The following NLGN1 variants were observed in gnomAD, a reference collection of about 807,000 sequenced individuals.
The protein encoded by NLGN1 is neuroligin-1.
Under a neutral mutation model 65.5 loss-of-function variants are expected in NLGN1, and 12 were observed. That is an observed-to-expected ratio of 0.18 (90% CI 0.12 to 0.30). NLGN1 has a LOEUF of 0.30. Among genes scored for constraint, NLGN1 ranks in the 10% least tolerant of loss-of-function variants. The probability of loss-of-function intolerance (pLI) is 1.00; values close to 1 mark genes in which losing one functional copy is unlikely to be tolerated. For missense variants in NLGN1, 750 were observed against 1,007.1 expected, an observed-to-expected ratio of 0.74 and a Z score of 3.46; for synonymous variants, 350 against 359.5, an observed-to-expected ratio of 0.97 and a Z score of 0.30.
At chr3:173,649,061 A>G (rs1358876677) in intron 3 of NLGN1, among the ~76,000 whole-genome samples, 1 of 152,260 alleles carries the variant, frequency 6.6e-6, no homozygotes, top group Non-Finnish European at 1.5e-5. Flanking sequence ...AAAATGGAAT[A>G]CAACTCAGTA....
intron 3 of NLGN1, among the ~76,000 whole-genome samples, chr3:173,663,655 A>T (rs990737506): frequency 1.3e-5 from 2 of 152,010 alleles, no homozygotes; most frequent in Non-Finnish European, 2.9e-5. Context: ...GCTGCAGTTG[A>T]GAGATGACTA....
At chr3:173,959,181 G>C (rs1445749825) in intron 4 of NLGN1, among the ~76,000 whole-genome samples, 2 of 152,204 alleles carry the variant, frequency 1.3e-5, no homozygotes, top group African/African-American at 4.8e-5. Context: ...GGGATGCCCG[G>C]GTCCACAGTC....
chr3:173,457,387 T>A (rs1722679099), intron 2 of NLGN1, among the ~76,000 whole-genome samples: 3 of 152,046 alleles, frequency 2.0e-5, no homozygotes, highest in African/African-American at 7.2e-5. Context: ...TCAAAGAGGC[T>A]AGGTTCACAA....
intron 4 of NLGN1, among the ~76,000 whole-genome samples, chr3:174,212,646 C>T (rs1382576406): frequency 2.0e-5 from 3 of 152,216 alleles, no homozygotes; most frequent in Non-Finnish European, 4.4e-5. Context: ...TATCAACATA[C>T]AGAGATGTTT....
intron 3 of NLGN1, among the ~76,000 whole-genome samples, chr3:173,682,027 T>C (rs114666672): frequency 7.5e-4 from 114 of 152,312 alleles, no homozygotes; most frequent in Non-Finnish European, 1.4e-3. Flanking sequence ...CTGTGAAATG[T>C]GTTAGAACTG....
chr3:173,906,808 C>T (rs1042399721), intron 4 of NLGN1, among the ~76,000 whole-genome samples: 4 of 148,308 alleles, frequency 2.7e-5, no homozygotes, highest in Non-Finnish European at 4.4e-5. Flanking sequence ...ATGATCGTGC[C>T]TATGATTAGC....
At chr3:173,809,001 G>A (rs750505663) in intron 4 of NLGN1, among the ~76,000 whole-genome samples, 1 of 152,092 alleles carries the variant, frequency 6.6e-6, no homozygotes, top group Non-Finnish European at 1.5e-5. Context: ...TTTATAGTCT[G>A]GGGGAAGGAG....
At chr3:174,104,723 A>T (rs1046117050) in intron 4 of NLGN1, among the ~76,000 whole-genome samples, 2 of 152,190 alleles carry the variant, frequency 1.3e-5, no homozygotes, top group Non-Finnish European at 2.9e-5. Flanking sequence ...TCTTGCAGAT[A>T]AACAGGATTT....
chr3:173,509,564 A>G (rs748681399), intron 2 of NLGN1, among the ~76,000 whole-genome samples: 2 of 152,286 alleles, frequency 1.3e-5, no homozygotes, highest in Non-Finnish European at 2.9e-5. Flanking sequence ...AATGAGCCAT[A>G]CTGTGAAACT....
At chr3:174,267,964 A>G (rs887173039) in intron 4 of NLGN1, among the ~76,000 whole-genome samples, 5 of 152,154 alleles carry the variant, frequency 3.3e-5, no homozygotes, top group Admixed American at 2.0e-4. Flanking sequence ...GGGAACACTT[A>G]AGAGAGATAA....
intron 2 of NLGN1, among the ~76,000 whole-genome samples, chr3:173,438,233 T>G (rs956588835): frequency 1.3e-5 from 2 of 152,144 alleles, no homozygotes; most frequent in Non-Finnish European, 2.9e-5. Context: ...ACCCTTTTAA[T>G]TTGATGATGG....
At chr3:173,401,741 C>T (rs1007578460) in intron 1 of NLGN1, among the ~76,000 whole-genome samples, 1 of 152,006 alleles carries the variant, frequency 6.6e-6, no homozygotes, top group East Asian at 1.9e-4. Context: ...TAGTGTTTGC[C>T]GTGATGGCAG....
At chr3:173,606,092 T>TTTCC (rs1249841477) in intron 3 of NLGN1, among the ~76,000 whole-genome samples, 1 of 152,086 alleles carries the variant, frequency 6.6e-6, no homozygotes, top group Non-Finnish European at 1.5e-5. Context: ...ATTGAGCAAT[T>TTTCC]ATTATTATTA....
intron 4 of NLGN1, among the ~76,000 whole-genome samples, chr3:173,960,366 G>GAT (rs1713244741): frequency 6.6e-6 from 1 of 151,848 alleles, no homozygotes; most frequent in African/African-American, 2.4e-5. Flanking sequence ...AAAAATGTTT[G>GAT]ATATATATTA....
At chr3:173,643,686 A>C (rs1577699026) in intron 3 of NLGN1, among the ~76,000 whole-genome samples, 2 of 152,168 alleles carry the variant, frequency 1.3e-5, no homozygotes, top group East Asian at 3.9e-4. Flanking sequence ...GGGAAAAAAT[A>C]ATCCTAGTGA....
intron 3 of NLGN1, among the ~76,000 whole-genome samples, chr3:173,635,662 G>A (rs1011166303): frequency 6.6e-6 from 1 of 151,982 alleles, no homozygotes; most frequent in African/African-American, 2.4e-5. Flanking sequence ...TTGTTTGGGT[G>A]CTTTCTATAC....
At chr3:174,143,620 A>T (rs984146064) in intron 4 of NLGN1, among the ~76,000 whole-genome samples, 1 of 152,152 alleles carries the variant, frequency 6.6e-6, no homozygotes, top group African/African-American at 2.4e-5. Flanking sequence ...TGACTTGCTG[A>T]TGGAGATTTG....
At chr3:173,445,288 A>C (rs1286603636) in intron 2 of NLGN1, among the ~76,000 whole-genome samples, 4 of 148,924 alleles carry the variant, frequency 2.7e-5, no homozygotes, top group Admixed American at 6.7e-5. Flanking sequence ...AAAAAAAAAA[A>C]AAAAAAACAA....
intron 4 of NLGN1, among the ~76,000 whole-genome samples, chr3:174,212,368 C>T (rs901898183): frequency 3.9e-5 from 6 of 152,340 alleles, no homozygotes; most frequent in East Asian, 1.9e-4. Flanking sequence ...CACACCTCCC[C>T]GCAAGCTGAG....
Sources: gnomAD v4.1 joint callset for allele counts (sites outside exome capture counted in the v4.1 genomes callset) on GRCh38, gnomAD v4.1.1 for gene constraint, MANE v1.5 for transcripts, NCBI Gene and HGNC (gene_info 2026-07-23, HGNC 2026-07-21) for gene names.